Variants in ADORA2B observed in about 807,000 individuals in gnomAD.
ADORA2B encodes adenosine A2b receptor, also known as adenosine receptor A2b.
ADORA2B carries 18 observed loss-of-function variants against 20.8 expected under a neutral mutation model. That is an observed-to-expected ratio of 0.87 (90% CI 0.60 to 1.29). The LOEUF is 1.29. Ranked by LOEUF, ADORA2B falls within the 50% of genes most tolerant of loss-of-function variation. The pLI, the probability that ADORA2B is intolerant of heterozygous loss-of-function variation, is 0.00. For synonymous variants in ADORA2B, 179 were observed against 178.3 expected (o/e 1.00, Z -0.03); for missense variants, 441 against 422.7 (o/e 1.04, Z -0.38).
chr17:15,871,915 C>A, the ADORA2B span, among the ~76,000 whole-genome samples: 3 of 152,162 alleles, frequency 2.0e-5, no homozygotes, highest in Non-Finnish European at 4.4e-5. Flanking sequence ...TCCCTCTGAT[C>A]ATTGAACATG....
chr17:15,887,951 C>CAAAAAA, the ADORA2B span, among the ~76,000 whole-genome samples: 8 of 22,230 alleles, frequency 3.6e-4, no homozygotes, highest in East Asian at 1.3e-3. Flanking sequence ...AAGACTCCAT[C>CAAAAAA]AAAAAAAAAA....
the ADORA2B span, among the ~76,000 whole-genome samples, chr17:15,889,573 G>T: frequency 7.7e-6 from 1 of 130,138 alleles, no homozygotes; most frequent in East Asian, 2.0e-4. Context: ...GTAATAGATT[G>T]TTTTTTATAA....
At chr17:15,952,386 A>T (rs1252407172) in intron 1 of ADORA2B, among the ~76,000 whole-genome samples, 7 of 152,070 alleles carry the variant, frequency 4.6e-5, no homozygotes. Flanking sequence ...ATGGGAGCAG[A>T]TGGAGTTATC....
intron 1 of ADORA2B, among the ~76,000 whole-genome samples, chr17:15,959,371 T>A (rs1183209279): frequency 6.6e-6 from 1 of 152,230 alleles, no homozygotes; most frequent in Non-Finnish European, 1.5e-5. Flanking sequence ...TCACAGCTTT[T>A]AAGTTGCATG....
the ADORA2B span, among the ~76,000 whole-genome samples, chr17:15,909,857 A>G: frequency 7.2e-3 from 1,094 of 152,316 alleles, 17 homozygotes; most frequent in African/African-American, 0.025. Context: ...TAATTAACAA[A>G]AAGGAATGCA....
the ADORA2B span, among the ~76,000 whole-genome samples, chr17:15,911,527 T>C: frequency 0.2 from 30,946 of 152,134 alleles, 3,706 homozygotes; most frequent in Non-Finnish European, 0.27. Flanking sequence ...GTTTCCCTCC[T>C]TCCACACTGG....
chr17:15,944,603 C>T (rs997536362), upstream of ADORA2B, among the ~76,000 whole-genome samples: 2 of 152,082 alleles, frequency 1.3e-5, no homozygotes, highest in African/African-American at 4.8e-5. This position sits in a 1 kb window ranked among gnomAD's most constrained non-coding sequence, Gnocchi z 4.8. Context: ...CCTTGCAGTC[C>T]GGCCCCGCAG....
In ADORA2B at chr17:15,974,914, G is replaced by T; in HGVS notation, c.571G>T (p.Val191Phe). The change falls in exon 2 of 2, where the codon GTT becomes TTT. Residue 191 changes from valine to phenylalanine, a missense_variant. Transcript: ENST00000304222. ...YMVYFNFFGC[V>F]LPPLLIMLVI... ...GGTATATTTCAATTTCTTTGGGTGT[G>T]TTCTGCCCCCACTGCTTATAATGCT... is the stretch of plus-strand genomic sequence containing the variant. 3.7e-6 allele frequency: 6 copies of T among 1,614,146 alleles called. No individual in the cohort carries two copies. The highest frequency in any genetic ancestry group is 5.1e-6 in the Non-Finnish European group (6 of 1,180,018).
At chr17:15,962,356 T>C (rs1410723296) in intron 1 of ADORA2B, among the ~76,000 whole-genome samples, 2 of 151,914 alleles carry the variant, frequency 1.3e-5, no homozygotes, top group Non-Finnish European at 2.9e-5. Flanking sequence ...ACAAAATTGG[T>C]AATTTTCTTT....
At chr17:15,924,563 C>G in the ADORA2B span, among the ~76,000 whole-genome samples, 1 of 152,110 alleles carries the variant, frequency 6.6e-6, no homozygotes, top group East Asian at 1.9e-4. Context: ...AACCCTGTCT[C>G]TACTAAAAAT....
the ADORA2B span, among the ~76,000 whole-genome samples, chr17:15,853,347 A>C: frequency 2.6e-5 from 4 of 152,258 alleles, no homozygotes; most frequent in African/African-American, 9.6e-5. Flanking sequence ...TGTACTTGTG[A>C]TGAAAAGATT....
In ADORA2B at chr17:15,945,228, C is replaced by A; in HGVS notation, c.-21C>A. 2 of 1,388,562 alleles carry A rather than the reference C, an allele frequency of 1.4e-6. No homozygotes were observed. The highest frequency in any genetic ancestry group is 1.9e-6 in the Non-Finnish European group (2 of 1,079,010). 86.0% of individuals were successfully genotyped at this position (1,388,562 alleles called of 1,614,324 possible). A position where few individuals can be genotyped will look rare whatever the true frequency, so the allele number is the denominator to read the frequency against. On this transcript the variant is annotated 5_prime_UTR_variant, in exon 1 of 2. Coordinates refer to ENST00000304222, the MANE Select transcript of ADORA2B (RefSeq NM_000676.4). Reference sequence around the variant, plus strand: ...CGGCGCGCCTTCGGTAGGGGGCGCCCGGGGCCCAGCTGGCCCGGCCATGCT... The same window carrying A: ...CGGCGCGCCTTCGGTAGGGGGCGCCAGGGGCCCAGCTGGCCCGGCCATGCT...
intron 1 of ADORA2B, among the ~76,000 whole-genome samples, chr17:15,953,018 G>C (rs1433801409): frequency 6.6e-6 from 1 of 152,228 alleles, no homozygotes; most frequent in African/African-American, 2.4e-5. Flanking sequence ...GGGCGGGCAG[G>C]CTTCCACTCA....
chr17:15,857,382 G>C, the ADORA2B span, among the ~76,000 whole-genome samples: 1 of 152,224 alleles, frequency 6.6e-6, no homozygotes, highest in African/African-American at 2.4e-5. Context: ...CCCCCACACA[G>C]AACCCCCCTG....
chr17:15,902,821 C>T, the ADORA2B span, among the ~76,000 whole-genome samples: 23 of 152,308 alleles, frequency 1.5e-4, no homozygotes, highest in African/African-American at 5.3e-4. Flanking sequence ...TCAGAATCAG[C>T]TTCAGATGCA....
chr17:15,904,491 C>T, the ADORA2B span, among the ~76,000 whole-genome samples: 18 of 151,310 alleles, frequency 1.2e-4, no homozygotes, highest in Admixed American at 5.3e-4. Flanking sequence ...GGGTTCATGC[C>T]ATTCTCCTGC....
At chr17:15,927,578 C>T in the ADORA2B span, among the ~76,000 whole-genome samples, 1 of 152,080 alleles carries the variant, frequency 6.6e-6, no homozygotes, top group Non-Finnish European at 1.5e-5. Context: ...ACTCAGGAGG[C>T]GGAGGTTGCA....
At chr17:15,966,965 C>T (rs1346436771) in intron 1 of ADORA2B, among the ~76,000 whole-genome samples, 4 of 152,182 alleles carry the variant, frequency 2.6e-5, no homozygotes, top group East Asian at 1.9e-4. Context: ...GACGGAAGGA[C>T]GTGGCCCATG....
At chr17:15,874,060 G>GTA in the ADORA2B span, among the ~76,000 whole-genome samples, 1 of 56,962 alleles carries the variant, frequency 1.8e-5, no homozygotes, top group Admixed American at 2.1e-4. Context: ...ATATATATAT[G>GTA]TGTGTGTGTA....
Sources: allele counts gnomAD v4.1 joint callset (sites outside exome capture counted in the v4.1 genomes callset), GRCh38; gene constraint gnomAD v4.1.1; non-coding constraint Gnocchi (gnomAD v3.1); transcripts MANE v1.5; gene names NCBI Gene and HGNC (gene_info 2026-07-23, HGNC 2026-07-21).